Variants in DYSF observed in about 807,000 individuals in gnomAD.
DYSF encodes dysferlin.
A neutral mutation model predicts 274.9 loss-of-function variants in DYSF; 212 were observed. The observed-to-expected ratio is 0.77, with a 90% CI of 0.69 to 0.86. The LOEUF (loss-of-function observed/expected upper bound fraction) is 0.86, where lower values mean the gene tolerates loss of function less well. Among genes scored for constraint, DYSF ranks in the 40% least tolerant of loss-of-function variants. DYSF has a pLI of 0.00. For synonymous variants in DYSF, 1,091 were observed against 1,078.7 expected (o/e 1.01, Z -0.22); for missense variants, 2,666 against 2,783.2 (o/e 0.96, Z 0.95).
chr2:71,466,977 G>C (rs2081578306), intron 1 of DYSF, 44 bp downstream of exon 1: 3 of 1,536,694 alleles, frequency 2.0e-6, no homozygotes, highest in Non-Finnish European at 2.6e-6. Flanking sequence ...GGTGCTACCC[G>C]ACTCTCGGCG....
chr2:71,619,046 C>G (rs1307901743), intron 40 of DYSF, among the ~76,000 whole-genome samples: 3 of 152,002 alleles, frequency 2.0e-5, no homozygotes, highest in Admixed American at 6.5e-5. Flanking sequence ...CAAAGGGGAA[C>G]GTGTAATTTC....
intron 1 of DYSF, among the ~76,000 whole-genome samples, chr2:71,459,784 A>G (rs989523526): frequency 1.5e-4 from 23 of 152,160 alleles, no homozygotes; most frequent in African/African-American, 5.3e-4. Context: ...GCAGAGAGCC[A>G]GTGTCCTCTC....
At position 71,503,285 on chromosome 2, in the gene DYSF, C is replaced by A. The variant is rs767981823; in HGVS notation, c.311C>A (p.Ala104Asp). ...CCTAGTCTGTCCGCCAGCTTCAATG[C>A]CCCCCTGCTGGACACCAAGAAGCAG... ...ATPSLSASFN[A>D]PLLDTKKQPT... The change falls in exon 4 of 56, where the codon GCC (alanine) becomes GAC (aspartate). Residue 104 changes from alanine (A) to aspartate (D), a missense_variant. Coordinates refer to ENST00000410020, the MANE Select transcript of DYSF (RefSeq NM_001130987.2). 1 of 1,613,992 alleles carries A rather than the reference C, an allele frequency of 6.2e-7. No homozygotes were observed. Among genetic ancestry groups the A allele is most frequent in the Non-Finnish European group, 8.5e-7 (1 of 1,179,980 alleles).
intron 51 of DYSF, among the ~76,000 whole-genome samples, chr2:71,670,331 C>A (rs1438845963): frequency 6.6e-6 from 1 of 152,240 alleles, no homozygotes; most frequent in East Asian, 1.9e-4. Context: ...AGTAGGGACA[C>A]CCAGCATGGC....
intron 19 of DYSF, 113 bp downstream of exon 19, chr2:71,551,833 G>A (rs534480675): frequency 7.3e-6 from 6 of 825,798 alleles, no homozygotes; most frequent in East Asian, 5.3e-5. Flanking sequence ...CTGCCCACAC[G>A]CATCGTGCCT....
rs2303593 is a variant in DYSF at position 71,551,545 on chromosome 2, C to G, written c.1693-62C>G. The G allele has an allele frequency of 2.1e-6, 3 of 1,424,918 alleles. No homozygotes were observed. In the South Asian group the frequency reaches 3.6e-5, roughly 17 times the overall value. 88.3% of individuals were successfully genotyped at this position (1,424,918 alleles called of 1,614,324 possible). ...GAGCTACCTCAGGGCCAGAGGGTGC[C>G]CCTTTCCTTCCCCTCCTCCCCTCTG... On this transcript the variant is annotated intron_variant, in intron 18 of 55. Coordinates refer to ENST00000410020, the MANE Select transcript of DYSF (RefSeq NM_001130987.2).
chr2:71,614,099 G>A (rs575472545), intron 40 of DYSF, among the ~76,000 whole-genome samples: 12 of 152,272 alleles, frequency 7.9e-5, no homozygotes, highest in African/African-American at 2.6e-4. Context: ...GAGGGGCAGC[G>A]CTCCCCCGAC....
intron 30 of DYSF, among the ~76,000 whole-genome samples, chr2:71,584,173 T>A (rs1460534430): frequency 1.5e-5 from 2 of 137,796 alleles, no homozygotes; most frequent in African/African-American, 5.4e-5. Flanking sequence ...GGCAAGAGTG[T>A]GTGTGTGTGT....
rs143760896 is a variant in DYSF at position 71,491,202 on chromosome 2, T to G, written c.239+9232T>G. Among the ~76,000 whole-genome samples the G allele has an allele frequency of 3.3e-5, 5 of 152,342 alleles. No individual in the cohort carries two copies. The East Asian group carries it at 9.6e-4, about 29-fold the overall frequency. The stretch of plus-strand genomic sequence containing the variant: ...GCTGATTGTCCATTTCTATTTCTTC[T>G]TTTGTGATTGCCAATCATTGTATTT... On this transcript the variant is annotated intron_variant, in intron 3 of 55. Transcript: ENST00000410020.
chr2:71,682,485 C>T lies in DYSF; in HGVS notation c.6174-45C>T, dbSNP rs868739541. 3.1e-6 allele frequency: 5 copies of T among 1,613,670 alleles called. No individual in the cohort carries two copies. In the African/African-American group the frequency reaches 5.3e-5, roughly 17 times the overall value. The stretch of plus-strand genomic sequence containing the variant: ...TGAGAGAAGAGTTTGGAGAAAGCAG[C>T]CCTAGTAAAGGATGCCCAGTTGACC... On this transcript the variant is annotated intron_variant, in intron 54 of 55. Coordinates refer to ENST00000410020, the MANE Select transcript of DYSF (RefSeq NM_001130987.2).
chr2:71,462,195 G>A (rs1371123672), upstream of DYSF, among the ~76,000 whole-genome samples: 1 of 152,204 alleles, frequency 6.6e-6, no homozygotes, highest in African/African-American at 2.4e-5. Flanking sequence ...CAAGGGGTGT[G>A]TGAGTGAGTG....
At chr2:71,550,118 C>G (rs1049918472) in intron 17 of DYSF, among the ~76,000 whole-genome samples, 3 of 152,234 alleles carry the variant, frequency 2.0e-5, no homozygotes, top group African/African-American at 7.2e-5. Context: ...CTTGTGTGGA[C>G]TGATTGGGTC....
chr2:71,667,945 C>T (rs969508148), intron 48 of DYSF, among the ~76,000 whole-genome samples: 1 of 152,050 alleles, frequency 6.6e-6, no homozygotes, highest in Non-Finnish European at 1.5e-5. Context: ...GACCAAATGA[C>T]AAAGCCACCC....
At chr2:71,453,973 C>T in exon 1 of DYSF, 1 of 1,613,046 alleles carries the variant, frequency 6.2e-7, no homozygotes, top group Non-Finnish European at 8.5e-7. Context: ...GCGCCCTGGG[C>T]GCACGGGGCC....
At chr2:71,601,212 C>T (rs1014981965) in intron 34 of DYSF, 2 of 595,822 alleles carry the variant, frequency 3.4e-6, no homozygotes, top group Admixed American at 2.9e-5. Flanking sequence ...CCTGGGCCAG[C>T]CACTCCCCTG....
At chr2:71,683,537 A>C (rs2095320777) in intron 55 of DYSF, among the ~76,000 whole-genome samples, 1 of 152,256 alleles carries the variant, frequency 6.6e-6, no homozygotes, top group Non-Finnish European at 1.5e-5. Context: ...TTTAATATGA[A>C]AACTCCAACC....
At chr2:71,668,151 T>C (rs1208865456) in intron 48 of DYSF, among the ~76,000 whole-genome samples, 1 of 152,158 alleles carries the variant, frequency 6.6e-6, no homozygotes, top group Non-Finnish European at 1.5e-5. Context: ...GATGCCTTTG[T>C]GAATGCCAGA....
intron 37 of DYSF, 23 bp from the exon 38 acceptor site, chr2:71,611,442 C>G: frequency 6.2e-7 from 1 of 1,614,174 alleles, no homozygotes; most frequent in Non-Finnish European, 8.5e-7. Flanking sequence ...TTCTGAGCCA[C>G]TCTCCTCATT....
rs121908954 is a variant in DYSF, at chr2:71,602,794, A to G, written c.3946A>G (p.Ile1316Val). The change falls in exon 36 of 56, where the codon ATC becomes GTC. Residue 1316 changes from isoleucine to valine, a missense_variant. By Grantham distance (29) the Ile-to-Val change is conservative (BLOSUM62 3). Around this residue, in one of 3 missense-constraint regions of DYSF, gnomAD observed 1,460 missense variants for 1,502.1 expected, o/e 0.97. Transcript: ENST00000410020. ...GGGCCAGGTGCAGGAGACATCAAGG[A>G]TCCTGGATGAGGTGAGCTGGGCGTG... is the stretch of plus-strand genomic sequence containing the variant. ...PGFEVQETSR[I>V]LDESEDTDLP... 6.2e-3 allele frequency: 10,072 copies of G among 1,613,374 alleles called. 49 individuals carry two copies. The highest frequency in any genetic ancestry group is 7.6e-3 in the Non-Finnish European group (8,936 of 1,179,912).
Sources: gnomAD v4.1 joint callset for allele counts (sites outside exome capture counted in the v4.1 genomes callset) on GRCh38, gnomAD v4.1.1 for gene constraint, gnomAD v4.1.1 regional missense constraint, MANE v1.5 for transcripts, NCBI Gene and HGNC (gene_info 2026-07-23, HGNC 2026-07-21) for gene names.